The following MRPL34 variants were observed in gnomAD, a reference collection of about 807,000 sequenced individuals.
MRPL34 encodes large ribosomal subunit protein bL34m.
Under a neutral mutation model 6.7 loss-of-function variants are expected in MRPL34, and 8 were observed. That is an observed-to-expected ratio of 1.20 (90% CI 0.70 to 2.16). The LOEUF (loss-of-function observed/expected upper bound fraction) is 2.16, where lower values mean the gene tolerates loss of function less well. Ranked by LOEUF, MRPL34 falls within the 30% of genes most tolerant of loss-of-function variation. The pLI is 0.00. For synonymous variants in MRPL34, 59 were observed against 55.1 expected, an observed-to-expected ratio of 1.07 and a Z score of -0.31; for missense variants, 146 against 125.5, an observed-to-expected ratio of 1.16 and a Z score of -0.78.
upstream of MRPL34, chr19:17,305,831 G>A: frequency 6.7e-7 from 1 of 1,501,840 alleles, no homozygotes; most frequent in Non-Finnish European, 9.3e-7. Flanking sequence ...TTTGTTCCAG[G>A]GCTGGAGCGG....
chr19:17,300,030 G>C (rs1223022245), upstream of MRPL34, among the ~76,000 whole-genome samples: 1 of 150,282 alleles, frequency 6.7e-6, no homozygotes, highest in Non-Finnish European at 1.5e-5. Context: ...TCAGCCTCCC[G>C]AGTAGCTGGG....
rs2074149796 is a variant in MRPL34, at chr19:17,306,503, G to C, written c.*124G>C. 5.6e-6 allele frequency: 5 copies of C among 900,234 alleles called. No homozygotes were observed. The highest frequency in any genetic ancestry group is 1.7e-5 in the African/African-American group (1 of 59,032). The allele number at this position is 900,234 out of a possible 1,614,324, so 55.8% of individuals were successfully genotyped here. A position where few individuals can be genotyped will look rare whatever the true frequency, so the allele number is the denominator to read the frequency against. ...CTCGGACCTGAGTGCTCTCCATATT[G>C]TGGGGTTGAAGTCTGGATGGGAGCT... is the stretch of plus-strand genomic sequence containing the variant. On this transcript the variant is annotated 3_prime_UTR_variant, in exon 2 of 2. Coordinates refer to ENST00000252602, the MANE Select transcript of MRPL34 (RefSeq NM_023937.4).
upstream of MRPL34, chr19:17,303,317 C>T (rs3745187): frequency 0.35 from 52,969 of 152,294 alleles, 10,848 homozygotes; most frequent in African/African-American, 0.56. Flanking sequence ...CTGCTGGCGC[C>T]GTTTACATGG....
upstream of MRPL34, among the ~76,000 whole-genome samples, chr19:17,300,444 A>G (rs2074112255): frequency 1.3e-5 from 2 of 151,354 alleles, no homozygotes; most frequent in Non-Finnish European, 2.9e-5. Context: ...TTGCCTCAAG[A>G]TATCCTCCCG....
upstream of MRPL34, chr19:17,303,222 G>A (rs1288498508): frequency 1.3e-5 from 2 of 152,260 alleles, no homozygotes; most frequent in African/African-American, 4.8e-5. Flanking sequence ...CTCTCCTTTT[G>A]GGGCCCGTTC....
At chr19:17,298,374 C>G (rs1231296133), upstream of MRPL34, 7 of 152,056 alleles carry the variant, frequency 4.6e-5, no homozygotes, top group East Asian at 5.8e-4. Context: ...TGGAGGGGTT[C>G]TTGGTAAGTT....
At chr19:17,303,685 C>T (rs924381969), upstream of MRPL34, among the ~76,000 whole-genome samples, 1 of 152,182 alleles carries the variant, frequency 6.6e-6, no homozygotes, top group Non-Finnish European at 1.5e-5. Flanking sequence ...CCGGGGCCCT[C>T]TCTCTGCAAA....
In MRPL34 at chr19:17,294,638, G is replaced by T. The variant is rs781293459; in HGVS notation, c.214+1784G>T. 2.5e-6 allele frequency: 4 copies of T among 1,609,734 alleles called. No individual in the cohort carries two copies. In the East Asian group the frequency reaches 8.9e-5, roughly 36 times the overall value. On this transcript the variant is annotated intron_variant, in intron 1 of 2. Transcript: ENST00000595444. Reference sequence around the variant, plus strand: ...CTCGAGCAGATGCCTGGGTTCGCCAGGGCCAGGATCACGGTCTTTGGGGTG... The same window carrying T: ...CTCGAGCAGATGCCTGGGTTCGCCATGGCCAGGATCACGGTCTTTGGGGTG...
chr19:17,303,770 C>T (rs2074133135), upstream of MRPL34, among the ~76,000 whole-genome samples: 1 of 152,210 alleles, frequency 6.6e-6, no homozygotes, highest in East Asian at 1.9e-4. Context: ...GGCCCCCATA[C>T]TCTTCTCTCT....
chr19:17,299,904 CTT>C (rs35667706), upstream of MRPL34, among the ~76,000 whole-genome samples: 15 of 140,254 alleles, frequency 1.1e-4, no homozygotes, highest in African/African-American at 8.2e-5. Context: ...GTGGTGGCCC[CTT>C]TTTTTTTTTT....
At chr19:17,303,968 C>CA (rs1384908490), upstream of MRPL34, among the ~76,000 whole-genome samples, 3 of 151,498 alleles carry the variant, frequency 2.0e-5, no homozygotes, top group African/African-American at 7.3e-5. Flanking sequence ...CTACGCCCCC[C>CA]CCTTTTCTTT....
upstream of MRPL34, chr19:17,300,801 T>C: frequency 6.6e-7 from 1 of 1,521,184 alleles, no homozygotes; most frequent in South Asian, 1.3e-5. Flanking sequence ...TTTGTGACTG[T>C]AGTCCCTGCT....
chr19:17,293,690 GT>G (rs56210466), intron 1 of MRPL34, among the ~76,000 whole-genome samples: 109,799 of 145,870 alleles, frequency 0.75, 41,761 homozygotes, highest in Non-Finnish European at 0.8. Context: ...AATGGTTTTT[GT>G]TTTTTTTTTT....
chr19:17,301,110 G>A, upstream of MRPL34: 1 of 1,613,212 alleles, frequency 6.2e-7, no homozygotes, highest in Non-Finnish European at 8.5e-7. Flanking sequence ...GGGCGCCTTT[G>A]CAGCTAGTGA....
intron 1 of MRPL34, among the ~76,000 whole-genome samples, chr19:17,293,262 A>AT (rs963643241): frequency 7.3e-5 from 11 of 151,466 alleles, no homozygotes; most frequent in African/African-American, 2.4e-4. Context: ...CACCCGGCTA[A>AT]TTTTTTGTAT....
upstream of MRPL34, chr19:17,301,369 G>A (rs2074117456): frequency 1.2e-6 from 2 of 1,610,792 alleles, no homozygotes; most frequent in African/African-American, 1.3e-5. Context: ...GCGGTACACG[G>A]TGATCCGGCG....
intron 1 of MRPL34, chr19:17,294,210 C>A (rs2074083137): frequency 8.6e-6 from 13 of 1,506,010 alleles, no homozygotes; most frequent in Non-Finnish European, 1.2e-5. Flanking sequence ...CGCTACCACG[C>A]CCCCCGCAGA....
upstream of MRPL34, chr19:17,301,076 T>C: frequency 1.9e-6 from 3 of 1,613,546 alleles, no homozygotes; most frequent in Non-Finnish European, 2.5e-6. Flanking sequence ...ACACCATGGA[T>C]GAAAAAGAGC....
Position 17,306,491 on chromosome 19 carries a change from G to T in MRPL34, c.*112G>T. ...GAGCAGGAACGCCTCGGACCTGAGT[G>T]CTCTCCATATTGTGGGGTTGAAGTC... On this transcript the variant is annotated 3_prime_UTR_variant, in exon 2 of 2. Transcript: ENST00000252602. The T allele has an allele frequency of 2.1e-6, 2 of 969,028 alleles. No homozygotes were observed. The highest frequency in any genetic ancestry group is 2.7e-5 in the East Asian group (1 of 37,198). The allele number at this position is 969,028 out of a possible 1,614,324, so 60.0% of individuals were successfully genotyped here.
Sources: gnomAD v4.1 joint callset for allele counts (sites outside exome capture counted in the v4.1 genomes callset) on GRCh38, gnomAD v4.1.1 for gene constraint, MANE v1.5 for transcripts, NCBI Gene and HGNC (gene_info 2026-07-23, HGNC 2026-07-21) for gene names.